The following ATE1 variants were observed in gnomAD, a reference collection of about 807,000 sequenced individuals.
The protein encoded by ATE1 is arginyl-tRNA--protein transferase 1.
A neutral mutation model predicts 70.5 loss-of-function variants in ATE1; 36 were observed. The observed-to-expected ratio is 0.51, with a 90% CI of 0.39 to 0.67. ATE1 has a LOEUF of 0.67. ATE1 is among the 30% of genes least tolerant of loss of function. The pLI, the probability that ATE1 is intolerant of heterozygous loss-of-function variation, is 0.00. For missense variants in ATE1, 593 were observed against 629.5 expected, an observed-to-expected ratio of 0.94 and a Z score of 0.62; for synonymous variants, 232 against 219.3, an observed-to-expected ratio of 1.06 and a Z score of -0.51.
chr10:121,820,973 G>A (rs959395453), intron 10 of ATE1, among the ~76,000 whole-genome samples: 12 of 151,994 alleles, frequency 7.9e-5, no homozygotes, highest in South Asian at 4.1e-4. Flanking sequence ...ATGGAGTCTC[G>A]TTCTGTCGCC....
chr10:121,811,344 C>T (rs1947311518), intron 10 of ATE1, among the ~76,000 whole-genome samples: 1 of 152,064 alleles, frequency 6.6e-6, no homozygotes, highest in Non-Finnish European at 1.5e-5. Context: ...TAAAATACTA[C>T]CAATAGGTAA....
chr10:121,917,124 G>A (rs560625698), intron 3 of ATE1, among the ~76,000 whole-genome samples: 5 of 150,870 alleles, frequency 3.3e-5, no homozygotes, highest in African/African-American at 1.2e-4. Context: ...GATTGTGCCA[G>A]TACACTCCAG....
intron 10 of ATE1, among the ~76,000 whole-genome samples, chr10:121,826,391 C>G (rs542887847): frequency 1.3e-5 from 2 of 152,262 alleles, no homozygotes; most frequent in South Asian, 4.1e-4. Flanking sequence ...CTGCAACCTC[C>G]ACCTCGTGGG....
rs764383331 is a variant in ATE1 at position 121,742,024 on chromosome 10, C to T, written c.*1656G>A. The T allele has an allele frequency of 2.6e-5, 4 of 152,048 alleles. No homozygotes were observed. The highest frequency in any genetic ancestry group is 4.4e-5 in the Non-Finnish European group (3 of 68,026). 9.4% of individuals were successfully genotyped at this position (152,048 alleles called of 1,614,324 possible). On this transcript the variant is annotated 3_prime_UTR_variant, in exon 12 of 12. Transcript: ENST00000224652. Reference sequence around the variant, plus strand: ...GGCTCTATAGATTCTGAAGGCAGTTCCAAGTAAGTCTCTCAAATGCTCTTA... The same window carrying T: ...GGCTCTATAGATTCTGAAGGCAGTTTCAAGTAAGTCTCTCAAATGCTCTTA...
intron 11 of ATE1, among the ~76,000 whole-genome samples, chr10:121,744,064 A>G (rs1023510783): frequency 1.3e-5 from 2 of 151,558 alleles, no homozygotes; most frequent in Non-Finnish European, 2.9e-5. Context: ...CTGGGATTAC[A>G]GGTGTGTGCC....
chr10:121,798,738 A>G, intron 10 of ATE1, among the ~76,000 whole-genome samples: 1 of 136,014 alleles, frequency 7.4e-6, no homozygotes, highest in South Asian at 2.4e-4. Context: ...CTTCTCTACT[A>G]AAAATACAAA....
chr10:121,816,036 C>T (rs1001238460), intron 10 of ATE1, among the ~76,000 whole-genome samples: 3 of 152,116 alleles, frequency 2.0e-5, no homozygotes, highest in Non-Finnish European at 4.4e-5. Flanking sequence ...TTAGGGCAAA[C>T]AGAAATAGGA....
At chr10:121,744,743 G>A (rs939241730) in intron 11 of ATE1, among the ~76,000 whole-genome samples, 4 of 152,110 alleles carry the variant, frequency 2.6e-5, no homozygotes, top group Admixed American at 1.3e-4. Context: ...AACCAGCCCC[G>A]GTTTTCTTCA....
intron 11 of ATE1, among the ~76,000 whole-genome samples, chr10:121,755,936 G>GCCTT (rs1337917109): frequency 2.0e-5 from 3 of 152,048 alleles, no homozygotes; most frequent in African/African-American, 7.2e-5. Context: ...AACCAATTAT[G>GCCTT]CCTTCCCAAC....
At chr10:121,898,561 C>T (rs1177715240) in intron 7 of ATE1, among the ~76,000 whole-genome samples, 3 of 152,154 alleles carry the variant, frequency 2.0e-5, no homozygotes, top group Admixed American at 2.0e-4. Context: ...GTCTGGCACA[C>T]GATGGGCACT....
At chr10:121,822,650 T>C (rs1947844129) in intron 10 of ATE1, among the ~76,000 whole-genome samples, 1 of 152,218 alleles carries the variant, frequency 6.6e-6, no homozygotes, top group African/African-American at 2.4e-5. Context: ...TCCACAGTTT[T>C]GATTCGTACC....
chr10:121,750,833 T>G (rs1944550339), intron 11 of ATE1, among the ~76,000 whole-genome samples: 1 of 152,254 alleles, frequency 6.6e-6, no homozygotes, highest in South Asian at 2.1e-4. Flanking sequence ...AAAACTGATT[T>G]AATAATTTAA....
intron 7 of ATE1, chr10:121,899,081 G>A (rs1462176645): frequency 4.0e-6 from 5 of 1,263,390 alleles, no homozygotes; most frequent in African/African-American, 1.5e-5. Context: ...GCTCGAACTC[G>A]AATTTGTCAT....
chr10:121,875,770 T>C (rs1470271654), intron 7 of ATE1, among the ~76,000 whole-genome samples: 1 of 152,186 alleles, frequency 6.6e-6, no homozygotes, highest in Non-Finnish European at 1.5e-5. Flanking sequence ...CCCTTCCTCC[T>C]TACCTTAGTG....
chr10:121,917,435 A>T (rs1260605651), intron 3 of ATE1, among the ~76,000 whole-genome samples: 1 of 152,206 alleles, frequency 6.6e-6, no homozygotes, highest in African/African-American at 2.4e-5. Context: ...AAGTAATCAC[A>T]GTACCCGCCA....
chr10:121,873,832 A>G (rs1452924833), intron 7 of ATE1, among the ~76,000 whole-genome samples: 1 of 152,164 alleles, frequency 6.6e-6, no homozygotes, highest in Non-Finnish European at 1.5e-5. Flanking sequence ...CCTATCTTTT[A>G]AAGAAAAAGG....
intron 8 of ATE1, among the ~76,000 whole-genome samples, chr10:121,854,419 T>C (rs1165707102): frequency 6.6e-6 from 1 of 152,218 alleles, no homozygotes; most frequent in Non-Finnish European, 1.5e-5. Context: ...TTAAAAATTA[T>C]AGTCAGCAGT....
intron 11 of ATE1, among the ~76,000 whole-genome samples, chr10:121,785,709 T>C (rs1946177443): frequency 6.6e-6 from 1 of 152,194 alleles, no homozygotes. Context: ...TTTAGATTTT[T>C]AGCAACTGCT....
intron 10 of ATE1, among the ~76,000 whole-genome samples, chr10:121,798,362 T>C (rs1217972392): frequency 6.6e-6 from 1 of 152,234 alleles, no homozygotes; most frequent in Non-Finnish European, 1.5e-5. Flanking sequence ...ATTGAAAGTA[T>C]ATGCCAATGA....
Sources: gnomAD v4.1 joint callset for allele counts (sites outside exome capture counted in the v4.1 genomes callset) on GRCh38, gnomAD v4.1.1 for gene constraint, MANE v1.5 for transcripts, NCBI Gene and HGNC (gene_info 2026-07-23, HGNC 2026-07-21) for gene names.